DCC: variants seen among roughly 807,000 people sequenced by gnomAD.
DCC encodes DCC netrin 1 receptor.
In DCC, 58 loss-of-function variants were observed where a neutral mutation model predicts 172.5. That is an observed-to-expected ratio of 0.34 (90% CI 0.27 to 0.42). DCC has a LOEUF of 0.42. Among genes scored for constraint, DCC ranks in the 10% least tolerant of loss-of-function variants. DCC has a pLI of 1.00. For missense variants in DCC, 1,740 were observed against 1,791.0 expected, an observed-to-expected ratio of 0.97 and a Z score of 0.51; for synonymous variants, 709 against 644.5, an observed-to-expected ratio of 1.10 and a Z score of -1.52.
At chr18:53,526,538 G>C (rs2046457438) in intron 27 of DCC, 79 bp from the exon 28 acceptor site, 1 of 1,428,510 alleles carries the variant, frequency 7.0e-7, no homozygotes, top group African/African-American at 1.4e-5. Context: ...CCAATCTCCT[G>C]GATATGGTGT....
At chr18:52,450,458 A>G (rs1988266681) in intron 1 of DCC, among the ~76,000 whole-genome samples, 1 of 152,166 alleles carries the variant, frequency 6.6e-6, no homozygotes, top group Admixed American at 6.5e-5. Flanking sequence ...ATGGCTATTA[A>G]CTCTATGCAA....
At chr18:52,850,544 T>A (rs1377745920) in intron 2 of DCC, among the ~76,000 whole-genome samples, 1 of 152,126 alleles carries the variant, frequency 6.6e-6, no homozygotes, top group African/African-American at 2.4e-5. Flanking sequence ...TTGCTCTAAG[T>A]GAACGTATGA....
intron 1 of DCC, among the ~76,000 whole-genome samples, chr18:52,628,384 G>C (rs1484103100): frequency 6.6e-6 from 1 of 152,204 alleles, no homozygotes; most frequent in Non-Finnish European, 1.5e-5. Context: ...TGTATGCAAA[G>C]TGTTATTTTA....
At chr18:53,326,518 C>A (rs1568058277) in intron 14 of DCC, among the ~76,000 whole-genome samples, 2 of 152,026 alleles carry the variant, frequency 1.3e-5, no homozygotes, top group Admixed American at 1.3e-4. Context: ...AAAAGTGTAA[C>A]CCTTGATGGA....
chr18:53,226,797 CA>C (rs1394178018), intron 12 of DCC, among the ~76,000 whole-genome samples: 2 of 150,884 alleles, frequency 1.3e-5, no homozygotes, highest in African/African-American at 4.9e-5. Flanking sequence ...AGAGAAAATG[CA>C]AGTCATAAAA....
chr18:53,264,590 T>C (rs146072230), intron 12 of DCC, among the ~76,000 whole-genome samples: 190 of 152,116 alleles, frequency 1.2e-3, no homozygotes, highest in African/African-American at 3.9e-3. Context: ...ACGGTCCTCT[T>C]CCACAAGGTC....
At chr18:52,930,260 C>T (rs1313719058) in intron 5 of DCC, among the ~76,000 whole-genome samples, 1 of 152,052 alleles carries the variant, frequency 6.6e-6, no homozygotes, top group Non-Finnish European at 1.5e-5. Context: ...CCATCGCACC[C>T]AACCTTCAGC....
chr18:53,216,823 C>G (rs576481590), intron 12 of DCC, among the ~76,000 whole-genome samples: 41 of 151,952 alleles, frequency 2.7e-4, no homozygotes, highest in Non-Finnish European at 5.6e-4. Flanking sequence ...AAAAAATGAG[C>G]TAAAGGAAAA....
At chr18:52,475,316 G>T (rs1989061869) in intron 1 of DCC, among the ~76,000 whole-genome samples, 1 of 152,136 alleles carries the variant, frequency 6.6e-6, no homozygotes, top group Admixed American at 6.6e-5. Context: ...ATAACTACTT[G>T]TAAGAAAATG....
At chr18:52,520,754 A>G (rs996805574) in intron 1 of DCC, among the ~76,000 whole-genome samples, 1 of 152,048 alleles carries the variant, frequency 6.6e-6, no homozygotes, top group African/African-American at 2.4e-5. Context: ...AGAATTTCCT[A>G]ATAGTGTTAA....
chr18:52,382,204 G>A (rs576373112), intron 1 of DCC, among the ~76,000 whole-genome samples: 76 of 152,156 alleles, frequency 5.0e-4, no homozygotes, highest in Admixed American at 1.4e-3. Context: ...CATAGACCAC[G>A]CAGTCATTAG....
At chr18:52,483,458 A>G (rs2030056075) in intron 1 of DCC, among the ~76,000 whole-genome samples, 1 of 152,110 alleles carries the variant, frequency 6.6e-6, no homozygotes, top group Non-Finnish European at 1.5e-5. Context: ...ATTTTCTGAA[A>G]CATCACATGT....
At chr18:52,380,926 T>C (rs12327493) in intron 1 of DCC, among the ~76,000 whole-genome samples, 22,519 of 152,040 alleles carry the variant, frequency 0.15, 1,829 homozygotes, top group African/African-American at 0.17. Context: ...TCTCTGTGCT[T>C]ACCTAGACTT....
At chr18:53,096,289 T>C (rs904847148) in intron 7 of DCC, among the ~76,000 whole-genome samples, 1 of 152,104 alleles carries the variant, frequency 6.6e-6, no homozygotes, top group African/African-American at 2.4e-5. Context: ...CAGCGAGCTA[T>C]GATTGCACCC....
chr18:52,747,796 G>C (rs529912766), intron 1 of DCC, among the ~76,000 whole-genome samples: 1 of 152,288 alleles, frequency 6.6e-6, no homozygotes, highest in East Asian at 1.9e-4. Context: ...TAAGAGAAAG[G>C]GTTGAGGGGG....
At position 52,803,805 on chromosome 18, in the gene DCC, C is replaced by G. The variant is rs145352388; in HGVS notation, c.412+51431C>G. 3.5e-3 allele frequency among the ~76,000 whole-genome samples: 536 copies of G among 152,276 alleles called. 5 individuals carry two copies. Among genetic ancestry groups the G allele is most frequent in the African/African-American group, 0.012 (510 of 41,540 alleles). On this transcript the variant is annotated intron_variant, in intron 2 of 28. Transcript: ENST00000442544. ...CAATCCACACACTCATGGACCTCTCCAGGAGTTTGTAAAAGAATAGGTAAT... is the reference window on the plus strand; with the variant it reads ...CAATCCACACACTCATGGACCTCTCGAGGAGTTTGTAAAAGAATAGGTAAT...
intron 1 of DCC, among the ~76,000 whole-genome samples, chr18:52,423,407 A>G (rs1247229411): frequency 6.6e-6 from 1 of 152,142 alleles, no homozygotes; most frequent in Admixed American, 6.6e-5. Context: ...CCATTGGACC[A>G]TGAAATGTCT....
chr18:53,121,546 A>G (rs957869757), intron 7 of DCC, among the ~76,000 whole-genome samples: 1 of 151,886 alleles, frequency 6.6e-6, no homozygotes, highest in African/African-American at 2.4e-5. Flanking sequence ...TGAATTCATG[A>G]TTCTACAGTC....
chr18:53,266,615 C>T (rs75353577), intron 12 of DCC, among the ~76,000 whole-genome samples: 6,561 of 151,984 alleles, frequency 0.043, 429 homozygotes, highest in African/African-American at 0.15. Flanking sequence ...TTTTAGTATA[C>T]TCATAGAATT....
Sources: allele counts gnomAD v4.1 joint callset (sites outside exome capture counted in the v4.1 genomes callset), GRCh38; gene constraint gnomAD v4.1.1; transcripts MANE v1.5; gene names NCBI Gene and HGNC (gene_info 2026-07-23, HGNC 2026-07-21).